The following ERCC1 variants were observed in gnomAD, a reference collection of about 807,000 sequenced individuals.
The protein encoded by ERCC1 is ERCC excision repair 1, endonuclease non-catalytic subunit.
In ERCC1, 36 loss-of-function variants were observed where a neutral mutation model predicts 37.6. The ratio of observed to expected loss-of-function variants is 0.96; its 90% CI spans 0.73 to 1.26. The LOEUF is 1.26. ERCC1 is among the 50% of genes most tolerant of loss of function. ERCC1 has a pLI of 0.00. For missense variants in ERCC1, 349 were observed against 376.5 expected (o/e 0.93, Z 0.60); for synonymous variants, 156 against 162.1 (o/e 0.96, Z 0.28).
intron 1 of ERCC1, among the ~76,000 whole-genome samples, chr19:45,451,228 C>T (rs1320284080): frequency 6.6e-6 from 1 of 152,210 alleles, no homozygotes; most frequent in African/African-American, 2.4e-5. Flanking sequence ...GCATGTCCGT[C>T]TGTCCAGCGC....
chr19:45,408,310 C>A lies in ERCC1; in HGVS notation c.*1365G>T. The A allele has an allele frequency of 6.2e-7, 1 of 1,611,790 alleles. No individual in the cohort carries two copies. ...CCTGTGCCTCAGCCCCCCAGGGCAC[C>A]CTAAGGATCCTTGAGGGTCCCCAGC... On this transcript the variant is annotated 3_prime_UTR_variant, in exon 10 of 10. Coordinates refer to ENST00000300853, the MANE Select transcript of ERCC1 (RefSeq NM_001983.4).
At chr19:45,416,662 A>AC in intron 6 of ERCC1, 159 bp downstream of exon 6, 1 of 622,044 alleles carries the variant, frequency 1.6e-6, no homozygotes. Context: ...AAAAATTAAG[A>AC]CCTTGTTTTA....
rs1169924007 is a variant in ERCC1 at position 45,408,929 on chromosome 19, G to GC, written c.*745dup. 1 of 1,614,114 alleles carries GC rather than the reference G, an allele frequency of 6.2e-7. No individual in the cohort carries two copies. The highest frequency in any genetic ancestry group is 8.5e-7 in the Non-Finnish European group (1 of 1,180,014). ...GGTGAAGGTGGAGCCACTGGAGGAAGCCATCCCTCTGCCCCCTACGAAGAA... is the reference window on the plus strand; with the variant it reads ...GGTGAAGGTGGAGCCACTGGAGGAAGCCCATCCCTCTGCCCCCTACGAAGAA... On this transcript the variant is annotated 3_prime_UTR_variant, in exon 10 of 10. Coordinates refer to ENST00000300853, the MANE Select transcript of ERCC1 (RefSeq NM_001983.4).
intron 9 of ERCC1, 168 bp from the exon 10 acceptor site, chr19:45,409,893 T>A (rs866904773): frequency 5.1e-6 from 1 of 194,334 alleles, no homozygotes; most frequent in Non-Finnish European, 8.5e-6. Context: ...ATTATTATTA[T>A]TATTTTTTTT....
chr19:45,440,561 T>A (rs889017266), intron 1 of ERCC1, among the ~76,000 whole-genome samples: 8 of 152,090 alleles, frequency 5.3e-5, no homozygotes, highest in African/African-American at 1.9e-4. Flanking sequence ...TCTTCAGAGC[T>A]GAGGCGAGGC....
intron 1 of ERCC1, among the ~76,000 whole-genome samples, chr19:45,443,476 G>A (rs1214748083): frequency 6.6e-6 from 1 of 152,186 alleles, no homozygotes; most frequent in Non-Finnish European, 1.5e-5. Context: ...TCGCCAGTGA[G>A]TAAGAAAACG....
At chr19:45,421,066 A>C in intron 3 of ERCC1, 112 bp downstream of exon 3, 1 of 856,294 alleles carries the variant, frequency 1.2e-6, no homozygotes, top group Non-Finnish European at 2.0e-6. Context: ...TGAATGAATG[A>C]ATGGGGAGAA....
intron 1 of ERCC1, among the ~76,000 whole-genome samples, chr19:45,431,268 A>T (rs1227776918): frequency 6.6e-6 from 1 of 152,188 alleles, no homozygotes; most frequent in Non-Finnish European, 1.5e-5. Flanking sequence ...AAAAATTAAA[A>T]CAATGCCCTT....
chr19:45,419,470 G>T (rs1974270212), intron 4 of ERCC1: 2 of 445,192 alleles, frequency 4.5e-6, no homozygotes, highest in Non-Finnish European at 8.4e-6. Context: ...GCTTCAAGGG[G>T]AGAACAGGTG....
chr19:45,434,395 G>A (rs899366154), intron 1 of ERCC1, among the ~76,000 whole-genome samples: 11 of 151,764 alleles, frequency 7.2e-5, no homozygotes, highest in Admixed American at 7.2e-4. Context: ...GGAGGCTAAG[G>A]TGGGAGGATC....
chr19:45,437,352 A>G (rs547261866), intron 1 of ERCC1, among the ~76,000 whole-genome samples: 2 of 152,316 alleles, frequency 1.3e-5, no homozygotes, highest in South Asian at 4.1e-4. Flanking sequence ...ACCTCTGGTT[A>G]TATTTCCAAA....
chr19:45,411,980 C>A (rs192330155), intron 9 of ERCC1, among the ~76,000 whole-genome samples: 4 of 150,586 alleles, frequency 2.7e-5, no homozygotes, highest in Admixed American at 2.6e-4. Context: ...CCTCAGCCTC[C>A]CGAGTAGCTG....
chr19:45,437,404 A>G (rs939557542), intron 1 of ERCC1, among the ~76,000 whole-genome samples: 2 of 152,164 alleles, frequency 1.3e-5, no homozygotes, highest in South Asian at 4.1e-4. Flanking sequence ...TACACTCTCA[A>G]GTTCATTGCA....
chr19:45,413,568 G>A, intron 9 of ERCC1, 109 bp downstream of exon 9: 2 of 1,613,912 alleles, frequency 1.2e-6, no homozygotes. Context: ...AAGCCACTGT[G>A]TCTGGTCTTT....
intron 9 of ERCC1, among the ~76,000 whole-genome samples, chr19:45,412,822 C>T (rs914903010): frequency 2.0e-5 from 3 of 151,804 alleles, no homozygotes; most frequent in African/African-American, 7.3e-5. Flanking sequence ...TCACTGCAAC[C>T]TCCACCTCCC....
Position 45,419,173 on chromosome 19 carries a change from T to A in ERCC1, c.450A>T (p.Pro150=). The A allele has an allele frequency of 2.5e-6, 4 of 1,596,994 alleles. No homozygotes were observed. The highest frequency in any genetic ancestry group is 3.4e-6 in the Non-Finnish European group (4 of 1,170,866). ...FLSLRYHNLH[P]DYIHGRLQSL... ...TCTGCAGCCGCCCATGGATGTAGTC[T>A]GGGTGCAGGTTGTGGTAGCGGAGGC... The change falls in exon 5 of 10, where the codon CCA becomes CCT. Residue 150 remains proline, a synonymous_variant. Transcript: ENST00000300853.
intron 7 of ERCC1, chr19:45,414,591 G>A (rs1421316311): frequency 2.1e-6 from 1 of 471,342 alleles, no homozygotes; most frequent in African/African-American, 2.0e-5. Flanking sequence ...AGGCCACGGG[G>A]CTTCTGAGCC....
chr19:45,439,991 G>A (rs1192789969), intron 1 of ERCC1, among the ~76,000 whole-genome samples: 1 of 152,148 alleles, frequency 6.6e-6, no homozygotes, highest in Non-Finnish European at 1.5e-5. Flanking sequence ...AAGGCAGGAC[G>A]ACTCAGCGCT....
intron 5 of ERCC1, among the ~76,000 whole-genome samples, chr19:45,418,584 A>T (rs568778337): frequency 6.6e-6 from 1 of 151,948 alleles, no homozygotes; most frequent in South Asian, 2.1e-4. Context: ...AGCCTTTGGG[A>T]GGCTGAGGTG....
Sources: gnomAD v4.1 joint callset for allele counts (sites outside exome capture counted in the v4.1 genomes callset) on GRCh38, gnomAD v4.1.1 for gene constraint, MANE v1.5 for transcripts, NCBI Gene and HGNC (gene_info 2026-07-23, HGNC 2026-07-21) for gene names.